The following PTPRD variants were observed in gnomAD, a reference collection of about 807,000 sequenced individuals.
PTPRD encodes receptor-type tyrosine-protein phosphatase delta.
PTPRD carries 34 observed loss-of-function variants against 214.5 expected under a neutral mutation model. That is an observed-to-expected ratio of 0.16 (90% CI 0.12 to 0.21). The LOEUF (loss-of-function observed/expected upper bound fraction) is 0.21, where lower values mean the gene tolerates loss of function less well. PTPRD is among the 10% of genes least tolerant of loss of function. The pLI is 1.00. For missense variants in PTPRD, 2,545 were observed against 2,398.7 expected, an observed-to-expected ratio of 1.06 and a Z score of -1.27; for synonymous variants, 1,128 against 845.7, an observed-to-expected ratio of 1.33 and a Z score of -5.79.
intron 14 of PTPRD, among the ~76,000 whole-genome samples, chr9:8,618,063 C>T (rs1208655852): frequency 3.3e-5 from 5 of 152,104 alleles, no homozygotes; most frequent in African/African-American, 7.2e-5. Context: ...CTGAGTAGAA[C>T]TGTGAGGATC....
intron 11 of PTPRD, among the ~76,000 whole-genome samples, chr9:8,884,524 C>T (rs941296122): frequency 6.6e-6 from 1 of 152,112 alleles, no homozygotes; most frequent in African/African-American, 2.4e-5. Context: ...TGGTGGAGGC[C>T]TCAACATAGC....
At chr9:8,793,126 AACT>A (rs1463861779) in intron 11 of PTPRD, among the ~76,000 whole-genome samples, 1 of 152,198 alleles carries the variant, frequency 6.6e-6, no homozygotes, top group Non-Finnish European at 1.5e-5. Flanking sequence ...CCCTGCTTCC[AACT>A]ATGCACATAT....
At chr9:10,291,597 G>C (rs1224716648) in intron 3 of PTPRD, among the ~76,000 whole-genome samples, 1 of 151,908 alleles carries the variant, frequency 6.6e-6, no homozygotes, top group Non-Finnish European at 1.5e-5. Flanking sequence ...TTTGAAAATG[G>C]AGGAAGAGGC....
intron 6 of PTPRD, among the ~76,000 whole-genome samples, chr9:9,752,773 A>G (rs1429635102): frequency 6.6e-6 from 1 of 152,098 alleles, no homozygotes; most frequent in South Asian, 2.1e-4. Flanking sequence ...TACATTGTTT[A>G]GAAGATCCAT....
chr9:9,697,156 C>A (rs2097392881), intron 7 of PTPRD, among the ~76,000 whole-genome samples: 1 of 151,990 alleles, frequency 6.6e-6, no homozygotes, highest in South Asian at 2.1e-4. Context: ...GTTGTTGTAG[C>A]TATTTTTTTG....
At chr9:9,982,576 C>T (rs115926913) in intron 4 of PTPRD, among the ~76,000 whole-genome samples, 1 of 151,510 alleles carries the variant, frequency 6.6e-6, no homozygotes, top group Non-Finnish European at 1.5e-5. Context: ...TTTCTTCCCT[C>T]CTGAGGTAAG....
intron 4 of PTPRD, among the ~76,000 whole-genome samples, chr9:9,949,619 G>C (rs2093224998): frequency 1.3e-5 from 2 of 152,216 alleles, no homozygotes; most frequent in African/African-American, 4.8e-5. Flanking sequence ...CAGGCTCCTA[G>C]TCCTACTACG....
At chr9:8,807,463 T>C (rs114992655) in intron 11 of PTPRD, among the ~76,000 whole-genome samples, 1,950 of 152,254 alleles carry the variant, frequency 0.013, 45 homozygotes, top group African/African-American at 0.045. Flanking sequence ...TCAATACTAA[T>C]GAACACTATA....
chr9:9,541,211 A>C (rs577737307), intron 8 of PTPRD, among the ~76,000 whole-genome samples: 2 of 151,808 alleles, frequency 1.3e-5, no homozygotes, highest in Non-Finnish European at 2.9e-5. Flanking sequence ...GAAGTGTTAT[A>C]TAAGTGGAGC....
chr9:10,063,686 A>G (rs1311844902), intron 3 of PTPRD, among the ~76,000 whole-genome samples: 1 of 152,040 alleles, frequency 6.6e-6, no homozygotes, highest in East Asian at 1.9e-4. Context: ...TTACGGTGTG[A>G]AAGCCCTATA....
At chr9:9,001,808 A>G (rs2099419881) in intron 11 of PTPRD, among the ~76,000 whole-genome samples, 1 of 151,992 alleles carries the variant, frequency 6.6e-6, no homozygotes, top group South Asian at 2.1e-4. Flanking sequence ...TTTTCCATGC[A>G]AGTTTCCAGC....
intron 9 of PTPRD, among the ~76,000 whole-genome samples, chr9:9,311,151 G>T (rs551390815): frequency 6.6e-6 from 1 of 152,064 alleles, no homozygotes; most frequent in East Asian, 1.9e-4. Flanking sequence ...TTGTTTAGTT[G>T]CTTTCATGAA....
At chr9:8,685,656 G>C (rs1400460958) in intron 12 of PTPRD, among the ~76,000 whole-genome samples, 4 of 152,258 alleles carry the variant, frequency 2.6e-5, no homozygotes, top group Admixed American at 2.6e-4. Flanking sequence ...AATAAATAGT[G>C]TACCAAACTA....
In PTPRD at chr9:8,449,798, C is replaced by T. The variant is rs201090377; in HGVS notation, c.3915G>A (p.Pro1305=). 2.5e-6 allele frequency: 4 copies of T among 1,613,932 alleles called. No individual in the cohort carries two copies. Among genetic ancestry groups the T allele is most frequent in the East Asian group, 2.2e-5 (1 of 44,864 alleles). The change falls in exon 34 of 46, where the codon CCG becomes CCA. Residue 1305 remains proline (P), a synonymous_variant. Coordinates refer to ENST00000381196, the MANE Select transcript of PTPRD (RefSeq NM_002839.4). ...AESDSRKSSI[P]NNKEIPSHHP... ...GGTGTGAAGGGATCTCCTTATTGTT[C>T]GGTATGCTGCTTTTTCTAGAGTCGG...
At chr9:8,517,595 A>G (rs1443076370) in intron 21 of PTPRD, among the ~76,000 whole-genome samples, 1 of 152,240 alleles carries the variant, frequency 6.6e-6, no homozygotes, top group South Asian at 2.1e-4. Context: ...TCTATCTCAC[A>G]TAGAGAAGTC....
At chr9:9,160,211 T>G (rs921738571) in intron 10 of PTPRD, among the ~76,000 whole-genome samples, 8 of 152,090 alleles carry the variant, frequency 5.3e-5, no homozygotes, top group Non-Finnish European at 2.9e-5. Flanking sequence ...CAAACTAAAA[T>G]GCTTCTGCAT....
At chr9:9,221,156 A>G (rs1388629827) in intron 9 of PTPRD, among the ~76,000 whole-genome samples, 1 of 152,116 alleles carries the variant, frequency 6.6e-6, no homozygotes, top group Non-Finnish European at 1.5e-5. Flanking sequence ...TGCCTCAACA[A>G]TTTGCCTTGT....
At chr9:8,822,375 T>C (rs1454894120) in intron 11 of PTPRD, among the ~76,000 whole-genome samples, 1 of 152,142 alleles carries the variant, frequency 6.6e-6, no homozygotes, top group Non-Finnish European at 1.5e-5. Context: ...AAATAAAATG[T>C]TAAAGTACAA....
At chr9:9,871,296 A>G (rs998596872) in intron 5 of PTPRD, among the ~76,000 whole-genome samples, 3 of 152,204 alleles carry the variant, frequency 2.0e-5, no homozygotes, top group Non-Finnish European at 4.4e-5. Flanking sequence ...TAAGACCAAA[A>G]GGGTAGGTAA....
Sources: gnomAD v4.1 joint callset for allele counts (sites outside exome capture counted in the v4.1 genomes callset) on GRCh38, gnomAD v4.1.1 for gene constraint, MANE v1.5 for transcripts, NCBI Gene and HGNC (gene_info 2026-07-23, HGNC 2026-07-21) for gene names.